XXYLT1: variants seen among roughly 807,000 people sequenced by gnomAD.
XXYLT1 encodes the protein UDP-xylose:alpha-xyloside alpha-1,3-xylosyltransferase.
XXYLT1 carries 20 observed loss-of-function variants against 28.9 expected under a neutral mutation model. That is an observed-to-expected ratio of 0.69 (90% CI 0.49 to 1.00). XXYLT1 has a LOEUF of 1.00. XXYLT1 is among the 50% of genes least tolerant of loss of function. XXYLT1 has a pLI of 0.00. For synonymous variants in XXYLT1, 257 were observed against 253.8 expected (o/e 1.01, Z -0.12); for missense variants, 542 against 560.1 (o/e 0.97, Z 0.33).
chr3:195,085,568 G>T (rs888590616), intron 3 of XXYLT1, among the ~76,000 whole-genome samples: 2 of 152,232 alleles, frequency 1.3e-5, no homozygotes, highest in Non-Finnish European at 2.9e-5. Context: ...AGGAGCAGGA[G>T]CTTAGCTCCT....
intron 3 of XXYLT1, among the ~76,000 whole-genome samples, chr3:195,089,334 G>C (rs1163829011): frequency 6.6e-6 from 1 of 152,166 alleles, no homozygotes; most frequent in Non-Finnish European, 1.5e-5. Flanking sequence ...TCTCTCGGCA[G>C]AAACCCTACA....
rs189974932 is a variant in XXYLT1, at chr3:195,212,827, G to A, written c.652+13882C>T. Among the ~76,000 whole-genome samples, 395 of 152,256 alleles carry A rather than the reference G, an allele frequency of 2.6e-3. 3 individuals carry two copies. Among genetic ancestry groups the A allele is most frequent in the Non-Finnish European group, 2.3e-3 (159 of 68,012 alleles). ...AGGCTGAGGACTGCTGTTCTAAGGCGTTTAGGCCCAGTTCCCTTGAGGGTT... is the reference window on the plus strand; with the variant it reads ...AGGCTGAGGACTGCTGTTCTAAGGCATTTAGGCCCAGTTCCCTTGAGGGTT... On this transcript the variant is annotated intron_variant, in intron 2 of 3. Transcript: ENST00000310380.
At position 195,150,484 on chromosome 3, in the gene XXYLT1, A is replaced by G. The variant is rs1720141095; in HGVS notation, c.785+5965T>C. 6.6e-6 allele frequency among the ~76,000 whole-genome samples: 1 copy of G among 152,240 alleles called. No individual in the cohort carries two copies. ...AAGAACCCGAGGCTGGCACAGCACCATCAGCAAATAAAACCATGTGACTTA... is the reference window on the plus strand; with the variant it reads ...AAGAACCCGAGGCTGGCACAGCACCGTCAGCAAATAAAACCATGTGACTTA... On this transcript the variant is annotated intron_variant, in intron 3 of 3. Transcript: ENST00000310380. The surrounding 1 kb of genome is among the most constrained non-coding windows in gnomAD (Gnocchi z 4.7).
intron 3 of XXYLT1, among the ~76,000 whole-genome samples, chr3:195,106,152 ACT>A (rs1463674742): frequency 3.3e-5 from 5 of 152,144 alleles, no homozygotes; most frequent in East Asian, 1.9e-4. Context: ...TCATATGATC[ACT>A]CTGAAAAAAA....
At chr3:195,087,687 G>T (rs950456527) in intron 3 of XXYLT1, among the ~76,000 whole-genome samples, 2 of 152,220 alleles carry the variant, frequency 1.3e-5, no homozygotes, top group African/African-American at 4.8e-5. Flanking sequence ...GAGCCAAGAT[G>T]GCCGAATAGG....
chr3:195,136,542 C>A (rs1719211403), intron 3 of XXYLT1, among the ~76,000 whole-genome samples: 1 of 152,194 alleles, frequency 6.6e-6, no homozygotes, highest in Non-Finnish European at 1.5e-5. Flanking sequence ...CGGGTGAACG[C>A]AACTTACCGA....
chr3:195,270,482 C>T, intron 1 of XXYLT1, 73 bp downstream of exon 1: 2 of 1,349,432 alleles, frequency 1.5e-6, no homozygotes, highest in Non-Finnish European at 1.9e-6. Context: ...GGATCCCCTC[C>T]GGGAGCGCAA....
chr3:195,202,018 A>C (rs1438786375), intron 2 of XXYLT1, among the ~76,000 whole-genome samples: 1 of 152,182 alleles, frequency 6.6e-6, no homozygotes, highest in East Asian at 1.9e-4. Context: ...CTCTACTAAA[A>C]ATACAAAAAT....
At chr3:195,088,716 T>C (rs1365707024) in intron 3 of XXYLT1, among the ~76,000 whole-genome samples, 17 of 140,768 alleles carry the variant, frequency 1.2e-4, no homozygotes, top group African/African-American at 3.9e-4. Context: ...CTTCAGACGA[T>C]CAAATTACTC....
intron 2 of XXYLT1, among the ~76,000 whole-genome samples, chr3:195,163,406 C>G (rs1720968664): frequency 6.6e-6 from 1 of 152,184 alleles, no homozygotes; most frequent in African/African-American, 2.4e-5. Flanking sequence ...TGCAGCTCCT[C>G]ATCCCCACAC....
chr3:195,221,686 G>A (rs1448307584), intron 2 of XXYLT1, among the ~76,000 whole-genome samples: 13 of 152,222 alleles, frequency 8.5e-5, no homozygotes, highest in Non-Finnish European at 1.5e-5. Context: ...GGAGGGGGAA[G>A]CTGGCAGTCC....
At chr3:195,202,048 G>A (rs896204489) in intron 2 of XXYLT1, among the ~76,000 whole-genome samples, 4 of 151,452 alleles carry the variant, frequency 2.6e-5, no homozygotes, top group Non-Finnish European at 5.9e-5. Context: ...GTGGTGGTGT[G>A]CACCTGTAAT....
intron 3 of XXYLT1, among the ~76,000 whole-genome samples, chr3:195,073,321 TG>T (rs1714932365): frequency 1.3e-5 from 2 of 152,176 alleles, no homozygotes; most frequent in Non-Finnish European, 2.9e-5. Flanking sequence ...GGGCAGTGAG[TG>T]TCCCAGACCC....
At chr3:195,082,051 G>A (rs896337008) in intron 3 of XXYLT1, among the ~76,000 whole-genome samples, 2 of 152,190 alleles carry the variant, frequency 1.3e-5, no homozygotes, top group African/African-American at 2.4e-5. Context: ...TTCCAAGTGC[G>A]TGATTACAAC....
At chr3:195,158,701 T>C (rs1720724930) in intron 2 of XXYLT1, among the ~76,000 whole-genome samples, 1 of 152,246 alleles carries the variant, frequency 6.6e-6, no homozygotes, top group South Asian at 2.1e-4. Flanking sequence ...AGGCCACTCC[T>C]TTCTATTCCC....
Position 195,238,162 on chromosome 3 carries a change from C to T in XXYLT1, c.505-11306G>A, listed in dbSNP as rs149046899. On this transcript the variant is annotated intron_variant, in intron 1 of 3. Transcript: ENST00000310380. ...GCCCCGTCCCCCGACCTCCCCGCCT[C>T]GTGTGACTGGGCAGCACTGAACCAG... is the stretch of plus-strand genomic sequence containing the variant. Among the ~76,000 whole-genome samples the T allele has an allele frequency of 8.3e-4, 127 of 152,334 alleles. 5 individuals are homozygous for T. In the East Asian group the frequency reaches 0.023, roughly 27 times the overall value.
At chr3:195,263,838 A>T (rs1725763386) in intron 1 of XXYLT1, among the ~76,000 whole-genome samples, 1 of 152,212 alleles carries the variant, frequency 6.6e-6, no homozygotes, top group Non-Finnish European at 1.5e-5. Context: ...TCCTGGGTTT[A>T]ATCACTATAG....
intron 2 of XXYLT1, among the ~76,000 whole-genome samples, chr3:195,213,342 G>A (rs950216489): frequency 4.1e-5 from 6 of 147,838 alleles, no homozygotes; most frequent in East Asian, 4.0e-4. Context: ...TTGGCTCACC[G>A]CAACCTCCAC....
intron 3 of XXYLT1, among the ~76,000 whole-genome samples, chr3:195,142,541 A>G (rs1472609126): frequency 6.6e-6 from 1 of 152,240 alleles, no homozygotes; most frequent in Non-Finnish European, 1.5e-5. Context: ...CTATTAGTCA[A>G]CTGAAAAAAG....
Sources: gnomAD v4.1 joint callset for allele counts (sites outside exome capture counted in the v4.1 genomes callset) on GRCh38, gnomAD v4.1.1 for gene constraint, Gnocchi (gnomAD v3.1) non-coding constraint, MANE v1.5 for transcripts, NCBI Gene and HGNC (gene_info 2026-07-23, HGNC 2026-07-21) for gene names.